NDUFAB1: variants seen among roughly 807,000 people sequenced by gnomAD.
The protein encoded by NDUFAB1 is acyl carrier protein, mitochondrial.
In NDUFAB1, 5 loss-of-function variants were observed where a neutral mutation model predicts 16.1. The ratio of observed to expected loss-of-function variants is 0.31; its 90% CI spans 0.16 to 0.65. The LOEUF is 0.65. NDUFAB1 is among the 30% of genes least tolerant of loss of function. The probability of loss-of-function intolerance (pLI) is 0.77; values close to 1 mark genes in which losing one functional copy is unlikely to be tolerated. For missense variants in NDUFAB1, 187 were observed against 205.3 expected, an observed-to-expected ratio of 0.91 and a Z score of 0.54; for synonymous variants, 85 against 78.4, an observed-to-expected ratio of 1.08 and a Z score of -0.44.
At chr16:23,590,561 C>G (rs1239706871) in intron 1 of NDUFAB1, among the ~76,000 whole-genome samples, 1 of 151,734 alleles carries the variant, frequency 6.6e-6, no homozygotes, top group Non-Finnish European at 1.5e-5. Context: ...CCAGCAGCAG[C>G]TAGTTTGATA....
intron 4 of NDUFAB1, 126 bp from the exon 5 acceptor site, chr16:23,581,299 A>G (rs1017506350): frequency 6.6e-6 from 1 of 152,254 alleles, no homozygotes; most frequent in African/African-American, 2.4e-5. Context: ...TAATCTCAGC[A>G]CTTTGGGAGG....
chr16:23,585,197 A>G (rs1234546993), intron 3 of NDUFAB1, 139 bp downstream of exon 3: 4 of 641,886 alleles, frequency 6.2e-6, no homozygotes, highest in East Asian at 5.6e-5. Flanking sequence ...GTGGGCAGGA[A>G]GGTGTGTGTG....
At chr16:23,585,558 A>G (rs1966225299) in intron 2 of NDUFAB1, 135 bp from the exon 3 acceptor site, 2 of 642,188 alleles carry the variant, frequency 3.1e-6, no homozygotes, top group East Asian at 5.7e-5. Context: ...CATGTGCACA[A>G]CGTGCAGGTT....
rs202174081 is a variant in NDUFAB1, at chr16:23,596,220, C to T, written c.71G>A (p.Arg24Gln). 3 of 1,608,712 alleles carry T rather than the reference C, an allele frequency of 1.9e-6. No homozygotes were observed. Among genetic ancestry groups the T allele is most frequent in the East Asian group, 4.5e-5 (2 of 44,594 alleles). ...GAGAGGCCGGGCCACGGCCAGCATC[C>T]GGACCCGGGGCAGCGGCGCAAAGGC... ...PAAFAPLPRV[R>Q]MLAVARPLST... Residue 24 changes from arginine to glutamine, a missense_variant, in exon 1 of 5, where the codon CGG (arginine) becomes CAG (glutamine). By Grantham distance (43) the Arg-to-Gln change is conservative (BLOSUM62 1). Around this residue, in one of 3 missense-constraint regions of NDUFAB1, gnomAD observed 135 missense variants for 129.4 expected, o/e 1.04. Transcript: ENST00000007516.
chr16:23,584,265 A>AAAAAAAAAAAAAAAAAAAAAAAAAAG (rs1567407406), intron 3 of NDUFAB1, among the ~76,000 whole-genome samples: 3 of 134,366 alleles, frequency 2.2e-5, no homozygotes, highest in East Asian at 4.5e-4. Flanking sequence ...TAAAAAAAAA[A>AAAAAAAAAAAAAAAAAAAAAAAAAAG]AAAAAAAAAG....
intron 1 of NDUFAB1, among the ~76,000 whole-genome samples, chr16:23,592,340 GAAA>G (rs941048329): frequency 8.3e-5 from 10 of 120,628 alleles, no homozygotes; most frequent in African/African-American, 2.1e-4. Context: ...ACCTTGTCTG[GAAA>G]AAAAAAAAAA....
At chr16:23,588,496 G>A (rs1966252336) in intron 1 of NDUFAB1, among the ~76,000 whole-genome samples, 1 of 152,116 alleles carries the variant, frequency 6.6e-6, no homozygotes, top group African/African-American at 2.4e-5. Flanking sequence ...AAATTGGTTT[G>A]TTTACCTCCT....
At chr16:23,584,265 A>AAAAAAAAAAAAAAAAAAAAAAAAAAAG (rs1567407406) in intron 3 of NDUFAB1, among the ~76,000 whole-genome samples, 1 of 134,368 alleles carries the variant, frequency 7.4e-6, no homozygotes, top group East Asian at 2.2e-4. Flanking sequence ...TAAAAAAAAA[A>AAAAAAAAAAAAAAAAAAAAAAAAAAAG]AAAAAAAAAG....
intron 1 of NDUFAB1, among the ~76,000 whole-genome samples, chr16:23,595,149 G>C (rs564470246): frequency 2.0e-5 from 3 of 152,092 alleles, no homozygotes; most frequent in Non-Finnish European, 4.4e-5. Context: ...TACTCGGGGG[G>C]GCTGAGGGAG....
intron 4 of NDUFAB1, 49 bp downstream of exon 4, chr16:23,582,227 G>C: frequency 7.3e-7 from 1 of 1,373,904 alleles, no homozygotes; most frequent in Non-Finnish European, 9.5e-7. Flanking sequence ...CTTTATTGAA[G>C]AACCACAGAC....
chr16:23,587,991 T>C (rs973264699), intron 1 of NDUFAB1, among the ~76,000 whole-genome samples: 3 of 152,264 alleles, frequency 2.0e-5, no homozygotes, highest in Admixed American at 1.3e-4. Flanking sequence ...ACCTCACGTA[T>C]CTCTGGTATT....
intron 1 of NDUFAB1, among the ~76,000 whole-genome samples, chr16:23,593,876 A>C (rs1020654569): frequency 2.7e-5 from 4 of 150,738 alleles, no homozygotes; most frequent in Non-Finnish European, 5.9e-5. Context: ...TTATTTATTT[A>C]TTTATTTATT....
At chr16:23,584,913 C>G (rs965535873) in intron 3 of NDUFAB1, among the ~76,000 whole-genome samples, 8 of 152,218 alleles carry the variant, frequency 5.3e-5, no homozygotes, top group African/African-American at 9.7e-5. Context: ...GATAGGAGAC[C>G]AAGGCCAGAG....
chr16:23,589,416 T>C (rs902707261), intron 1 of NDUFAB1, among the ~76,000 whole-genome samples: 31 of 152,224 alleles, frequency 2.0e-4, no homozygotes, highest in African/African-American at 7.0e-4. Flanking sequence ...CATGTTTCTT[T>C]GTCTAAATGT....
intron 2 of NDUFAB1, among the ~76,000 whole-genome samples, chr16:23,585,921 C>G (rs1966228621): frequency 6.6e-6 from 1 of 152,152 alleles, no homozygotes; most frequent in African/African-American, 2.4e-5. Flanking sequence ...GGATTTCACT[C>G]TAATGTTGTC....
intron 1 of NDUFAB1, among the ~76,000 whole-genome samples, chr16:23,594,641 C>T (rs1966307717): frequency 6.6e-6 from 1 of 152,060 alleles, no homozygotes; most frequent in Admixed American, 6.6e-5. Context: ...CATAAGCCAC[C>T]GCGCCCGGCC....
chr16:23,588,425 G>C (rs1966251600), intron 1 of NDUFAB1, among the ~76,000 whole-genome samples: 1 of 151,962 alleles, frequency 6.6e-6, no homozygotes. Context: ...TTGCATTCCA[G>C]CCTGGGCGAC....
At chr16:23,582,843 T>G (rs1014000434) in intron 3 of NDUFAB1, among the ~76,000 whole-genome samples, 1 of 149,012 alleles carries the variant, frequency 6.7e-6, no homozygotes, top group Non-Finnish European at 1.5e-5. Flanking sequence ...TCCCTCTCTT[T>G]CCATGGTCTC....
At chr16:23,592,854 G>A (rs985399363) in intron 1 of NDUFAB1, among the ~76,000 whole-genome samples, 1 of 152,202 alleles carries the variant, frequency 6.6e-6, no homozygotes, top group African/African-American at 2.4e-5. Flanking sequence ...AAATTTCACA[G>A]CAGGGAATAG....
Sources: gnomAD v4.1 joint callset for allele counts (sites outside exome capture counted in the v4.1 genomes callset) on GRCh38, gnomAD v4.1.1 for gene constraint, gnomAD v4.1.1 regional missense constraint, MANE v1.5 for transcripts, NCBI Gene and HGNC (gene_info 2026-07-23, HGNC 2026-07-21) for gene names.